XRCC6: variants seen among roughly 807,000 people sequenced by gnomAD.
The protein encoded by XRCC6 is DNA repair protein Ku70.
In XRCC6, 5 loss-of-function variants were observed where a neutral mutation model predicts 65.7. The observed-to-expected ratio is 0.08, with a 90% CI of 0.04 to 0.16. The LOEUF (loss-of-function observed/expected upper bound fraction) is 0.16. XRCC6 is among the 10% of genes least tolerant of loss of function. The pLI is 1.00. For synonymous variants in XRCC6, 270 were observed against 270.6 expected, an observed-to-expected ratio of 1.00 and a Z score of 0.02; for missense variants, 447 against 738.1, an observed-to-expected ratio of 0.61 and a Z score of 4.57.
chr22:41,626,642 TG>T lies in XRCC6; in HGVS notation c.83-1475del, dbSNP rs773330779. 2.4e-3 allele frequency among the ~76,000 whole-genome samples: 357 copies of T among 145,990 alleles called. 9 individuals are homozygous for T. Among genetic ancestry groups the T allele is most frequent in the African/African-American group, 5.6e-3 (225 of 40,082 alleles). ...GCTAATGTTTGTTTGTTTTTTTTTT[TG>T]TTTTTTTTTTTTGAGACCGAGTCTC... On this transcript the variant is annotated intron_variant, in intron 2 of 12. Transcript: ENST00000360079.
intron 9 of XRCC6, among the ~76,000 whole-genome samples, chr22:41,654,251 G>A (rs901321022): frequency 1.3e-5 from 2 of 152,182 alleles, no homozygotes; most frequent in Non-Finnish European, 2.9e-5. Context: ...TAGCTACAAA[G>A]ATGGGCGTTC....
chr22:41,635,489 C>T (rs1027367474), intron 3 of XRCC6, among the ~76,000 whole-genome samples: 1 of 152,138 alleles, frequency 6.6e-6, no homozygotes, highest in Non-Finnish European at 1.5e-5. Flanking sequence ...TTTCTGATTC[C>T]AATGCTTTGC....
intron 12 of XRCC6, chr22:41,661,717 C>A: frequency 2.6e-6 from 1 of 377,488 alleles, no homozygotes; most frequent in Non-Finnish European, 4.8e-6. Flanking sequence ...ACCATATGAT[C>A]CAGCATACCA....
chr22:41,628,576 A>G (rs2067704643), intron 3 of XRCC6, among the ~76,000 whole-genome samples: 1 of 152,190 alleles, frequency 6.6e-6, no homozygotes, highest in Non-Finnish European at 1.5e-5. Context: ...TAGTGTGGAA[A>G]AGAGTGAGTG....
At chr22:41,638,776 CAAA>C (rs56677816) in intron 6 of XRCC6, among the ~76,000 whole-genome samples, 4 of 65,680 alleles carry the variant, frequency 6.1e-5, no homozygotes, top group South Asian at 5.8e-4. Context: ...GACTCCGCCT[CAAA>C]AAAAAAAAAA....
intron 6 of XRCC6, among the ~76,000 whole-genome samples, chr22:41,644,319 T>C (rs1473435295): frequency 6.6e-6 from 1 of 152,228 alleles, no homozygotes; most frequent in African/African-American, 2.4e-5. Context: ...CCTTTTTCCA[T>C]GTACTGAGAC....
chr22:41,623,314 C>T (rs944429950), intron 2 of XRCC6, among the ~76,000 whole-genome samples: 7 of 152,030 alleles, frequency 4.6e-5, no homozygotes, highest in Admixed American at 1.3e-4. Context: ...TGGCCTCAAG[C>T]GATACCCCCA....
intron 10 of XRCC6, among the ~76,000 whole-genome samples, chr22:41,657,881 T>A (rs1024082903): frequency 6.6e-6 from 1 of 151,978 alleles, no homozygotes; most frequent in African/African-American, 2.4e-5. Context: ...TGGAGTACCG[T>A]GGCACGATCA....
At chr22:41,630,285 CTT>C (rs909826627) in intron 3 of XRCC6, among the ~76,000 whole-genome samples, 1 of 144,864 alleles carries the variant, frequency 6.9e-6, no homozygotes. Flanking sequence ...CCCGGCCTTG[CTT>C]TTTTTTTTTG....
chr22:41,659,142 CCCG>C lies in XRCC6; in HGVS notation c.1522+791_1522+793del, dbSNP rs1489551625. Among the ~76,000 whole-genome samples, 64 of 152,130 alleles carry C rather than the reference CCCG, an allele frequency of 4.2e-4. 2 individuals carry two copies. In the South Asian group the frequency reaches 0.012, roughly 30 times the overall value. On this transcript the variant is annotated intron_variant, in intron 11 of 12. Coordinates refer to ENST00000360079, the MANE Select transcript of XRCC6 (RefSeq NM_001469.5). ...TAGAGACGGGATTTCGCCATGATGG[CCCG>C]GCTGGTCTCAGAATGATCTATTTTA...
chr22:41,656,534 G>A (rs1166738747), intron 9 of XRCC6, among the ~76,000 whole-genome samples: 1 of 151,618 alleles, frequency 6.6e-6, no homozygotes, highest in Non-Finnish European at 1.5e-5. Context: ...AAAAAAGATG[G>A]AAAAAAACAT....
At chr22:41,640,680 G>A (rs1193322106) in intron 6 of XRCC6, among the ~76,000 whole-genome samples, 1 of 152,182 alleles carries the variant, frequency 6.6e-6, no homozygotes, top group East Asian at 1.9e-4. Context: ...TGCCACAGTT[G>A]TAGTTTTGTC....
chr22:41,650,967 C>A, intron 8 of XRCC6, 76 bp downstream of exon 8: 1 of 1,550,164 alleles, frequency 6.5e-7, no homozygotes. Flanking sequence ...TAAATGGGCA[C>A]TGCTTGGACA....
At chr22:41,631,409 G>A (rs1022773028) in intron 3 of XRCC6, among the ~76,000 whole-genome samples, 1 of 151,154 alleles carries the variant, frequency 6.6e-6, no homozygotes, top group South Asian at 2.1e-4. Context: ...TCACTTCTCC[G>A]ACGGGGCGGT....
intron 2 of XRCC6, among the ~76,000 whole-genome samples, chr22:41,627,771 G>T (rs1266869041): frequency 2.0e-5 from 3 of 152,184 alleles, no homozygotes; most frequent in Non-Finnish European, 2.9e-5. Flanking sequence ...TTGCTCAGGA[G>T]GCTGAGTCAG....
chr22:41,651,738 G>A (rs1396604397), intron 8 of XRCC6, among the ~76,000 whole-genome samples: 1 of 151,732 alleles, frequency 6.6e-6, no homozygotes, highest in Admixed American at 6.6e-5. Flanking sequence ...ATTTTGGCCA[G>A]TCTGGTCTCG....
chr22:41,648,248 G>A (rs988222773), intron 7 of XRCC6: 5 of 151,856 alleles, frequency 3.3e-5, no homozygotes, highest in Non-Finnish European at 5.9e-5. Flanking sequence ...TTGGGACTGT[G>A]GTATCTGGAT....
Position 41,661,337 on chromosome 22 carries a change from AG to A in XRCC6, c.1531del (p.Val511LeufsTer4). The A allele has an allele frequency of 6.2e-7, 1 of 1,612,942 alleles. No individual in the cohort carries two copies. Among genetic ancestry groups the A allele is most frequent in the Non-Finnish European group, 8.5e-7 (1 of 1,179,692 alleles). ...PEQAVDLTLPKVEAMNKRLGS... is the reference protein window; with the variant it reads ...PEQAVDLTLPXVEAMNKRLGS... ...CTGTGTTTTGATTTTCTAGTGCCCA[AG>A]GTTGAAGCAATGAATAAAAGACTGG... On this transcript the variant is annotated frameshift_variant, in exon 12 of 13. Coordinates refer to ENST00000360079, the MANE Select transcript of XRCC6 (RefSeq NM_001469.5). LOFTEE classifies it high-confidence loss of function.
chr22:41,645,635 G>T (rs957436089), intron 6 of XRCC6, among the ~76,000 whole-genome samples: 3 of 151,654 alleles, frequency 2.0e-5, no homozygotes, highest in African/African-American at 7.3e-5. Context: ...AAGAAAAATT[G>T]GGGTGTTTTT....
Sources: gnomAD v4.1 joint callset for allele counts (sites outside exome capture counted in the v4.1 genomes callset) on GRCh38, gnomAD v4.1.1 for gene constraint, MANE v1.5 for transcripts, NCBI Gene and HGNC (gene_info 2026-07-23, HGNC 2026-07-21) for gene names.